The following PDZD2 variants were observed in gnomAD, a reference collection of about 807,000 sequenced individuals.
PDZD2 encodes PDZ domain containing 2.
Under a neutral mutation model 220.7 loss-of-function variants are expected in PDZD2, and 90 were observed. That is an observed-to-expected ratio of 0.41 (90% confidence interval 0.34 to 0.49). The LOEUF (loss-of-function observed/expected upper bound fraction) is 0.49, where lower values mean the gene tolerates loss of function less well. PDZD2 is among the 20% of genes least tolerant of loss of function. The pLI, the probability that PDZD2 is intolerant of heterozygous loss-of-function variation, is 0.28. For synonymous variants in PDZD2, 1,375 were observed against 1,450.5 expected (o/e 0.95, Z 1.18); for missense variants, 3,174 against 3,608.5 (o/e 0.88, Z 3.08).
At chr5:31,860,207 T>A (rs1301810305) in intron 2 of PDZD2, among the ~76,000 whole-genome samples, 1 of 152,018 alleles carries the variant, frequency 6.6e-6, no homozygotes, top group Non-Finnish European at 1.5e-5. Context: ...TGTCACTGAG[T>A]CCAGAGTTGC....
rs1745137602 is a variant in PDZD2, at chr5:31,646,385, C to G, written c.-361+6948C>G. On this transcript the variant is annotated intron_variant, in intron 1 of 24. Transcript: ENST00000438447. This position sits in a 1 kb window ranked among gnomAD's most constrained non-coding sequence, Gnocchi z 4.7. ...ACAAATGTCTTCAGGAACCTGACCC[C>G]TCCACGTCATGAACACTAAGTAGCT... 6.6e-6 allele frequency among the ~76,000 whole-genome samples: 1 copy of G among 152,130 alleles called. No homozygotes were observed. Among genetic ancestry groups the G allele is most frequent in the Non-Finnish European group, 1.5e-5 (1 of 68,028 alleles).
At chr5:31,808,416 G>A (rs1026881451) in intron 2 of PDZD2, among the ~76,000 whole-genome samples, 5 of 152,182 alleles carry the variant, frequency 3.3e-5, no homozygotes, top group Non-Finnish European at 2.9e-5. Flanking sequence ...CAAGGATGAA[G>A]TGTAAGTGAA....
intron 1 of PDZD2, among the ~76,000 whole-genome samples, chr5:31,661,845 G>A (rs149136892): frequency 2.8e-5 from 4 of 145,420 alleles, no homozygotes; most frequent in Non-Finnish European, 3.0e-5. Context: ...GGTAAATGTC[G>A]TAACTGTACA....
At chr5:31,788,849 C>A (rs1298966431) in intron 1 of PDZD2, among the ~76,000 whole-genome samples, 3 of 152,106 alleles carry the variant, frequency 2.0e-5, no homozygotes, top group African/African-American at 7.2e-5. Context: ...GTGCTTTCAC[C>A]TTTTTAAGGG....
At chr5:31,903,849 G>C (rs1439561343) in intron 2 of PDZD2, among the ~76,000 whole-genome samples, 1 of 151,552 alleles carries the variant, frequency 6.6e-6, no homozygotes, top group African/African-American at 2.4e-5. Flanking sequence ...TCAGCCTCCC[G>C]AGTAGCTGGG....
intron 2 of PDZD2, among the ~76,000 whole-genome samples, chr5:31,828,485 T>C (rs1212983245): frequency 6.6e-6 from 1 of 152,184 alleles, no homozygotes; most frequent in Non-Finnish European, 1.5e-5. Flanking sequence ...TTTGGAGAGA[T>C]GTCTATTTAT....
At chr5:31,683,964 C>T (rs1238071839) in intron 1 of PDZD2, among the ~76,000 whole-genome samples, 1 of 146,594 alleles carries the variant, frequency 6.8e-6, no homozygotes, top group African/African-American at 2.4e-5. Context: ...CACATAGACT[C>T]ACCAGTATTT....
intron 2 of PDZD2, among the ~76,000 whole-genome samples, chr5:31,823,761 AAGAT>A (rs1756048719): frequency 1.3e-5 from 2 of 152,212 alleles, no homozygotes; most frequent in African/African-American, 4.8e-5. Flanking sequence ...GAATTGAGAT[AAGAT>A]AGATTACAGG....
Position 32,072,257 on chromosome 5 carries a change from G to T in PDZD2, c.2665G>T (p.Asp889Tyr), listed in dbSNP as rs749598165. The T allele has an allele frequency of 6.2e-6, 10 of 1,614,126 alleles. No individual in the cohort carries two copies. The South Asian group carries it at 1.1e-4, about 18-fold the overall frequency. Residue 889 changes from aspartate (D) to tyrosine (Y), a missense_variant, in exon 17 of 25, where the codon GAT (aspartate) becomes TAT (tyrosine). By Grantham distance (160) the Asp-to-Tyr change is radical. Around this residue, in one of 4 missense-constraint regions of PDZD2, gnomAD observed 1,861 missense variants for 2,001.0 expected, o/e 0.93. Coordinates refer to ENST00000438447, the MANE Select transcript of PDZD2 (RefSeq NM_178140.4). ...CATGGTGGCCGGTTCTGAGGACGAG[G>T]ATCACCCGGGAAGTGGCTGCAGCAC... ...DFMVAGSEDE[D>Y]HPGSGCSTSE...
intron 2 of PDZD2, among the ~76,000 whole-genome samples, chr5:31,979,802 T>C (rs1467329750): frequency 2.0e-5 from 3 of 152,136 alleles, no homozygotes; most frequent in Non-Finnish European, 2.9e-5. Flanking sequence ...TTAAAAAGAA[T>C]TGCACAGTGG....
intron 1 of PDZD2, among the ~76,000 whole-genome samples, chr5:31,737,167 C>CTTTTTTTTTTTTTTTTTTTTTTTTTTTT (rs57379430): frequency 1.5e-5 from 1 of 66,300 alleles, no homozygotes; most frequent in Non-Finnish European, 2.6e-5. Flanking sequence ...CAGTCTACTT[C>CTTTTTTTTTTTTTTTTTTTTTTTTTTTT]TTTTTTTTTT....
In PDZD2 at chr5:32,088,577, C is replaced by T. The variant is rs375384160; in HGVS notation, c.5129C>T (p.Pro1710Leu). The change falls in exon 20 of 25, where the codon CCG becomes CTG. Residue 1710 changes from proline to leucine, a missense_variant. This residue lies in a region of PDZD2 where 1,861 missense variants were observed against 2,001.0 expected (regional missense o/e 0.93). Coordinates refer to ENST00000438447, the MANE Select transcript of PDZD2 (RefSeq NM_178140.4). The surrounding 1 kb of genome is among the most constrained non-coding windows in gnomAD (Gnocchi z 4.6). ...TSASSAMENSPLSKVARHFHS... is the reference protein window; with the variant it reads ...TSASSAMENSLLSKVARHFHS... ...GCTAGCTCAGCCATGGAAAACAGTC[C>T]GCTGTCTAAAGTAGCCAGGCATTTT... 4.5e-5 allele frequency: 73 copies of T among 1,613,978 alleles called. No homozygotes were observed. Among genetic ancestry groups the T allele is most frequent in the Middle Eastern group, 1.6e-4 (1 of 6,084 alleles).
At chr5:31,954,265 T>G (rs1275795357) in intron 2 of PDZD2, among the ~76,000 whole-genome samples, 4 of 152,248 alleles carry the variant, frequency 2.6e-5, no homozygotes, top group Non-Finnish European at 5.9e-5. Flanking sequence ...GATTGCATGA[T>G]TTCCTCAACG....
chr5:31,973,848 C>T (rs538793958), intron 2 of PDZD2, among the ~76,000 whole-genome samples: 2 of 152,222 alleles, frequency 1.3e-5, no homozygotes, highest in Admixed American at 6.5e-5. Flanking sequence ...ATAGCAAGAC[C>T]CCATTTCTAT....
In PDZD2 at chr5:32,012,271, C is replaced by T. The variant is rs186736066; in HGVS notation, c.1407+1789C>T. ...AGCTAAGTAAGCCCTGGGTCTGCGG[C>T]GAGGACAGCCCTGCAGCACGTCTGC... On this transcript the variant is annotated intron_variant, in intron 6 of 24. Coordinates refer to ENST00000438447, the MANE Select transcript of PDZD2 (RefSeq NM_178140.4). Among the ~76,000 whole-genome samples the T allele has an allele frequency of 3.2e-4, 48 of 152,272 alleles. No homozygotes were observed. The East Asian group carries it at 8.3e-3, about 26-fold the overall frequency.
chr5:32,066,108 C>T (rs1206792622), intron 14 of PDZD2, among the ~76,000 whole-genome samples: 2 of 151,976 alleles, frequency 1.3e-5, no homozygotes, highest in Non-Finnish European at 2.9e-5. Flanking sequence ...TTTGCAAGGC[C>T]AAGGCAGGTG....
At chr5:31,998,871 G>A (rs1189878606) in intron 4 of PDZD2, among the ~76,000 whole-genome samples, 2 of 152,244 alleles carry the variant, frequency 1.3e-5, no homozygotes, top group South Asian at 4.1e-4. Flanking sequence ...GGTGGGATCC[G>A]AGGCTCGAGG....
chr5:31,769,706 G>C (rs1002084515), intron 1 of PDZD2, among the ~76,000 whole-genome samples: 2 of 152,232 alleles, frequency 1.3e-5, no homozygotes, highest in Admixed American at 6.5e-5. Context: ...GGAAGTGCCT[G>C]AGTGGGTTTT....
At chr5:31,913,013 C>T (rs1581062396) in intron 2 of PDZD2, among the ~76,000 whole-genome samples, 1 of 152,188 alleles carries the variant, frequency 6.6e-6, no homozygotes, top group Non-Finnish European at 1.5e-5. Flanking sequence ...TTGAGAAAAG[C>T]ATCACATGTA....
Sources: allele counts gnomAD v4.1 joint callset (sites outside exome capture counted in the v4.1 genomes callset), GRCh38; gene constraint gnomAD v4.1.1; regional missense constraint gnomAD v4.1.1; non-coding constraint Gnocchi (gnomAD v3.1); transcripts MANE v1.5; gene names NCBI Gene and HGNC (gene_info 2026-07-23, HGNC 2026-07-21).